Variants in RBL1 observed in about 807,000 individuals in gnomAD.
RBL1 encodes the protein retinoblastoma-like protein 1.
In RBL1, 82 loss-of-function variants were observed where a neutral mutation model predicts 123.0. The observed-to-expected ratio is 0.67, with a 90% CI of 0.56 to 0.80. The LOEUF (loss-of-function observed/expected upper bound fraction) is 0.80. Ranked by LOEUF, RBL1 falls within the 30% of genes least tolerant of loss-of-function variation. The pLI, the probability that RBL1 is intolerant of heterozygous loss-of-function variation, is 0.00. For synonymous variants in RBL1, 405 were observed against 441.3 expected (o/e 0.92, Z 1.03); for missense variants, 1,171 against 1,299.6 (o/e 0.90, Z 1.52).
chr20:37,005,468 G>A (rs1184497400), intron 20 of RBL1, among the ~76,000 whole-genome samples: 1 of 151,318 alleles, frequency 6.6e-6, no homozygotes, highest in African/African-American at 2.4e-5. Context: ...GCTGTAACAA[G>A]CTCTCTCTAC....
chr20:37,053,024 C>T (rs1269688071), intron 11 of RBL1, among the ~76,000 whole-genome samples: 1 of 152,186 alleles, frequency 6.6e-6, no homozygotes, highest in African/African-American at 2.4e-5. Context: ...CATCAAACAG[C>T]AGAGCTTCAA....
intron 2 of RBL1, chr20:37,081,766 T>C (rs1480410312): frequency 6.2e-6 from 2 of 323,700 alleles, no homozygotes; most frequent in African/African-American, 4.4e-5. Flanking sequence ...CCAGTGTCTA[T>C]GATTGTGTCC....
chr20:37,005,045 GA>G (rs913865432), intron 20 of RBL1, among the ~76,000 whole-genome samples: 8 of 149,176 alleles, frequency 5.4e-5, no homozygotes, highest in East Asian at 2.0e-4. Context: ...TGTCTCAAAA[GA>G]AAAAAAAAAT....
At chr20:37,006,538 A>G (rs760884094) in intron 20 of RBL1, among the ~76,000 whole-genome samples, 2 of 151,344 alleles carry the variant, frequency 1.3e-5, no homozygotes, top group Non-Finnish European at 2.9e-5. Context: ...ACAATATAAC[A>G]ACAGAAAAAT....
intron 12 of RBL1, among the ~76,000 whole-genome samples, chr20:37,045,254 G>A (rs1002107221): frequency 7.2e-5 from 11 of 151,834 alleles, no homozygotes; most frequent in Admixed American, 1.3e-4. Context: ...CTACAGGCAC[G>A]TGCCCCCATG....
At chr20:36,999,832 C>T (rs1217869160) in intron 21 of RBL1, among the ~76,000 whole-genome samples, 5 of 152,206 alleles carry the variant, frequency 3.3e-5, no homozygotes, top group Non-Finnish European at 5.9e-5. Flanking sequence ...GGCGTGATCT[C>T]GGCTCGCTAC....
chr20:37,059,809 C>A (rs2065065280), intron 9 of RBL1, among the ~76,000 whole-genome samples: 1 of 151,968 alleles, frequency 6.6e-6, no homozygotes. Flanking sequence ...GTTCTCTGAT[C>A]TGGCTTCATT....
intron 19 of RBL1, among the ~76,000 whole-genome samples, chr20:37,010,923 T>C (rs148886404): frequency 6.6e-6 from 1 of 152,178 alleles, no homozygotes; most frequent in Admixed American, 6.5e-5. Flanking sequence ...TCAAGTGATC[T>C]TCCTGCCTCA....
At chr20:37,047,855 C>G (rs1310950043) in intron 11 of RBL1, among the ~76,000 whole-genome samples, 3 of 152,046 alleles carry the variant, frequency 2.0e-5, no homozygotes, top group Non-Finnish European at 1.5e-5. Context: ...TGGCGCGTGC[C>G]TGTGATCCCA....
In RBL1 at chr20:37,001,906, G is replaced by A. The variant is rs1215241295; in HGVS notation, c.3036+1796C>T. Among the ~76,000 whole-genome samples the A allele has an allele frequency of 2.2e-5, 3 of 135,854 alleles. 1 individual carries two copies. The South Asian group carries it at 7.3e-4, about 33-fold the overall frequency. 89.1% of individuals were successfully genotyped at this position (135,854 alleles called of 152,430 possible). A position where few individuals can be genotyped will look rare whatever the true frequency, so the allele number is the denominator to read the frequency against. On this transcript the variant is annotated intron_variant, in intron 21 of 21. Transcript: ENST00000373664. ...AGGTAGAGTTGAATTAAAATAGCAG[G>A]TTGCAGAACAATAAAAAAAAAAAAA...
At chr20:37,000,301 A>G (rs1600428175) in intron 21 of RBL1, among the ~76,000 whole-genome samples, 1 of 145,478 alleles carries the variant, frequency 6.9e-6, no homozygotes, top group African/African-American at 2.6e-5. Context: ...CCTGGCAGCC[A>G]CCCCGTCTGG....
Position 37,050,416 on chromosome 20 carries a change from G to T in RBL1, c.1468-3226C>A, listed in dbSNP as rs150156622. On this transcript the variant is annotated intron_variant, in intron 11 of 21. Coordinates refer to ENST00000373664, the MANE Select transcript of RBL1 (RefSeq NM_002895.5). Reference sequence around the variant, plus strand: ...AAAAATTAGCCAGGTGTGGTGGCTGGCACCTGTAGTACCAGCTACTTGGGA... The same window carrying T: ...AAAAATTAGCCAGGTGTGGTGGCTGTCACCTGTAGTACCAGCTACTTGGGA... Among the ~76,000 whole-genome samples the T allele has an allele frequency of 1.2e-3, 177 of 150,754 alleles. 1 individual carries two copies. In the East Asian group the frequency reaches 0.03, roughly 26 times the overall value.
At chr20:37,069,365 C>G (rs2065241428) in intron 2 of RBL1, among the ~76,000 whole-genome samples, 1 of 151,740 alleles carries the variant, frequency 6.6e-6, no homozygotes. Context: ...GCGTCTCCGC[C>G]CGGCCGCCAT....
rs2063908351 is a variant in RBL1, at chr20:36,998,161, G to C, written c.*598C>G. On this transcript the variant is annotated 3_prime_UTR_variant, in exon 22 of 22. Transcript: ENST00000373664. ...TTTTAAAAGAGAGCTAAAAAGTTAT[G>C]GGGTTTCTCCTTATTTCATCTTGAA... is the stretch of plus-strand genomic sequence containing the variant. 6.6e-6 allele frequency: 1 copy of C among 151,704 alleles called. No homozygotes were observed. The highest frequency in any genetic ancestry group is 2.4e-5 in the African/African-American group (1 of 41,266). The allele number at this position is 151,704 out of a possible 1,614,324, so 9.4% of individuals were successfully genotyped here.
At chr20:37,068,585 A>C (rs2065222220) in intron 2 of RBL1, among the ~76,000 whole-genome samples, 2 of 152,100 alleles carry the variant, frequency 1.3e-5, no homozygotes, top group South Asian at 4.1e-4. Flanking sequence ...TCACCAGGGG[A>C]ATACAGGTTA....
At chr20:37,043,983 C>T (rs1344535051) in intron 13 of RBL1, 103 bp downstream of exon 13, 5 of 935,026 alleles carry the variant, frequency 5.3e-6, no homozygotes, top group Non-Finnish European at 7.6e-6. Flanking sequence ...GAATTGTACA[C>T]TTAAAATGGG....
At chr20:37,032,301 C>T (rs949120734) in intron 16 of RBL1, among the ~76,000 whole-genome samples, 3 of 152,004 alleles carry the variant, frequency 2.0e-5, no homozygotes, top group East Asian at 1.9e-4. Flanking sequence ...GAAGACATTA[C>T]GCTAAGCCAG....
chr20:37,014,235 G>A (rs1172409790), intron 19 of RBL1, among the ~76,000 whole-genome samples: 1 of 151,912 alleles, frequency 6.6e-6, no homozygotes, highest in East Asian at 1.9e-4. Flanking sequence ...CCACCACCAT[G>A]TGTGGCTATT....
At chr20:37,012,886 C>T (rs1162923201) in intron 19 of RBL1, among the ~76,000 whole-genome samples, 53 of 149,334 alleles carry the variant, frequency 3.5e-4, no homozygotes, top group Non-Finnish European at 1.5e-4. Flanking sequence ...CCCCTCTGCC[C>T]GGCCAGCCGC....
Sources: gnomAD v4.1 joint callset for allele counts (sites outside exome capture counted in the v4.1 genomes callset) on GRCh38, gnomAD v4.1.1 for gene constraint, MANE v1.5 for transcripts, NCBI Gene and HGNC (gene_info 2026-07-23, HGNC 2026-07-21) for gene names.